ERG: variants seen among roughly 807,000 people sequenced by gnomAD.
ERG encodes the protein transcriptional regulator ERG.
In ERG, 9 loss-of-function variants were observed where a neutral mutation model predicts 55.3. That is an observed-to-expected ratio of 0.16 (90% CI 0.10 to 0.28). The LOEUF (loss-of-function observed/expected upper bound fraction) is 0.28. Ranked by LOEUF, ERG falls within the 10% of genes least tolerant of loss-of-function variation. The pLI, the probability that ERG is intolerant of heterozygous loss-of-function variation, is 1.00. For missense variants in ERG, 434 were observed against 631.6 expected (o/e 0.69, Z 3.35); for synonymous variants, 223 against 237.3 (o/e 0.94, Z 0.55).
chr21:38,497,121 A>G (rs1466708834), intron 1 of ERG, among the ~76,000 whole-genome samples: 2 of 152,240 alleles, frequency 1.3e-5, no homozygotes, highest in African/African-American at 4.8e-5. Context: ...CTTGGTACAC[A>G]GATTTTTAAT....
At chr21:38,543,438 C>T (rs1007066379) in intron 2 of ERG, among the ~76,000 whole-genome samples, 1 of 151,258 alleles carries the variant, frequency 6.6e-6, no homozygotes, top group African/African-American at 2.4e-5. Flanking sequence ...TGTATATACA[C>T]ATATCTTTAT....
intron 2 of ERG, among the ~76,000 whole-genome samples, chr21:38,528,851 G>A (rs1029016226): frequency 6.6e-6 from 1 of 152,042 alleles, no homozygotes; most frequent in African/African-American, 2.4e-5. Flanking sequence ...GCTTCATTGA[G>A]AGAACCACAA....
At chr21:38,424,412 G>A (rs1157752458) in intron 2 of ERG, among the ~76,000 whole-genome samples, 2 of 152,186 alleles carry the variant, frequency 1.3e-5, no homozygotes, top group African/African-American at 2.4e-5. Flanking sequence ...CACAGGCTAG[G>A]ACAGTGCCCA....
At chr21:38,520,274 C>T (rs1210224619) in intron 2 of ERG, among the ~76,000 whole-genome samples, 1 of 152,154 alleles carries the variant, frequency 6.6e-6, no homozygotes, top group Non-Finnish European at 1.5e-5. Flanking sequence ...AGGGGATGGC[C>T]TTCACTGAGA....
intron 1 of ERG, among the ~76,000 whole-genome samples, chr21:38,612,584 A>C (rs1214890675): frequency 6.6e-6 from 1 of 152,116 alleles, no homozygotes; most frequent in East Asian, 1.9e-4. Flanking sequence ...AAGCATTGTA[A>C]GTCTTCATGA....
chr21:38,653,085 C>T (rs1251416733), intron 1 of ERG, among the ~76,000 whole-genome samples: 1 of 152,166 alleles, frequency 6.6e-6, no homozygotes, highest in Non-Finnish European at 1.5e-5. Context: ...GAATGTTCCC[C>T]TCCTTTCTAG....
At position 38,460,790 on chromosome 21, in the gene ERG, G is replaced by A. The variant is rs897868567; in HGVS notation, c.19-15169C>T. Among the ~76,000 whole-genome samples, 6 of 152,194 alleles carry A rather than the reference G, an allele frequency of 3.9e-5. No individual in the cohort carries two copies. The highest frequency in any genetic ancestry group is 1.2e-4 in the African/African-American group (5 of 41,438). ...TGCCCTGAAATCTCTGTTTACCTGTGGACCGGTGATGGGTGTGAGGCTGTA... is the reference window on the plus strand; with the variant it reads ...TGCCCTGAAATCTCTGTTTACCTGTAGACCGGTGATGGGTGTGAGGCTGTA... On this transcript the variant is annotated intron_variant, in intron 1 of 9. Transcript: ENST00000288319. This position sits in a 1 kb window ranked among gnomAD's most constrained non-coding sequence, Gnocchi z 5.0.
the ERG span, chr21:38,367,544 G>A: frequency 2.8e-5 from 13 of 472,360 alleles, no homozygotes; most frequent in Non-Finnish European, 4.5e-5. Context: ...CAGAATAAGT[G>A]ATGCAAAGAG....
chr21:38,425,173 C>G (rs1191263038), intron 2 of ERG, among the ~76,000 whole-genome samples: 9 of 152,108 alleles, frequency 5.9e-5, no homozygotes, highest in East Asian at 3.9e-4. Context: ...CACCTGAGGT[C>G]AGGAGTTCAA....
chr21:38,381,684 G>C lies in ERG; in HGVS notation c.*1719C>G. 1 of 1,063,676 alleles carries C rather than the reference G, an allele frequency of 9.4e-7. No individual in the cohort carries two copies. The highest frequency in any genetic ancestry group is 1.1e-6 in the Non-Finnish European group (1 of 878,284). The allele number at this position is 1,063,676 out of a possible 1,614,324, so 65.9% of individuals were successfully genotyped here. A position where few individuals can be genotyped will look rare whatever the true frequency, so the allele number is the denominator to read the frequency against. On this transcript the variant is annotated 3_prime_UTR_variant, in exon 10 of 10. Transcript: ENST00000288319. ...AACAAATGTATTTTAATCATAGCAGGAATTAAGGGTGATTTGTGACCAGGT... is the reference window on the plus strand; with the variant it reads ...AACAAATGTATTTTAATCATAGCAGCAATTAAGGGTGATTTGTGACCAGGT...
rs1987437629 is a variant in ERG at position 38,381,561 on chromosome 21, C to G, written c.*1842G>C. 1 of 1,063,388 alleles carries G rather than the reference C, an allele frequency of 9.4e-7. No individual in the cohort carries two copies. The highest frequency in any genetic ancestry group is 5.4e-5 in the Admixed American group (1 of 18,676). 65.9% of individuals were successfully genotyped at this position (1,063,388 alleles called of 1,614,324 possible). On this transcript the variant is annotated 3_prime_UTR_variant, in exon 10 of 10. Transcript: ENST00000288319. The stretch of plus-strand genomic sequence containing the variant: ...CCCCGCAGCAAATCTAGACGTTATC[C>G]CTTGTTTCTGTAAAGTGAGAAATTG...
At chr21:38,391,121 CTTAA>C (rs1875963097) in intron 8 of ERG, 79 bp from the exon 9 acceptor site, 5 of 1,225,980 alleles carry the variant, frequency 4.1e-6, no homozygotes, top group South Asian at 1.3e-5. Context: ...TAATGCCTGA[CTTAA>C]TTGTTTTTTC....
At chr21:38,654,992 T>A (rs1431537464) in intron 1 of ERG, among the ~76,000 whole-genome samples, 1 of 152,238 alleles carries the variant, frequency 6.6e-6, no homozygotes, top group Non-Finnish European at 1.5e-5. Flanking sequence ...TTTTACCTCA[T>A]TTCCTAATAA....
At chr21:38,439,537 C>A (rs753091881) in intron 2 of ERG, among the ~76,000 whole-genome samples, 1 of 152,164 alleles carries the variant, frequency 6.6e-6, no homozygotes, top group Non-Finnish European at 1.5e-5. Context: ...CTTTCTGGTG[C>A]GTGAGGCTAG....
At chr21:38,388,770 C>T (rs564736565) in intron 9 of ERG, among the ~76,000 whole-genome samples, 2 of 152,308 alleles carry the variant, frequency 1.3e-5, no homozygotes, top group South Asian at 2.1e-4. Context: ...CCTCCTTCCC[C>T]AGGCCTGTGA....
chr21:38,503,583 C>T (rs1464011841), intron 2 of ERG, among the ~76,000 whole-genome samples: 2 of 152,130 alleles, frequency 1.3e-5, no homozygotes, highest in African/African-American at 4.8e-5. Context: ...ATTCTGCACA[C>T]ATAAAACTTC....
chr21:38,528,624 A>G (rs2059649514), intron 2 of ERG, among the ~76,000 whole-genome samples: 1 of 92,792 alleles, frequency 1.1e-5, no homozygotes, highest in African/African-American at 3.5e-5. Flanking sequence ...ATTTTTTTGT[A>G]TTTTTAGTAG....
intron 2 of ERG, among the ~76,000 whole-genome samples, chr21:38,545,423 T>C (rs1158089389): frequency 6.6e-6 from 1 of 152,142 alleles, no homozygotes; most frequent in African/African-American, 2.4e-5. Context: ...CCAAATTTAA[T>C]CCCTGCATCT....
intron 2 of ERG, among the ~76,000 whole-genome samples, chr21:38,567,431 A>G (rs1018792509): frequency 6.6e-6 from 1 of 152,190 alleles, no homozygotes; most frequent in Admixed American, 6.5e-5. Flanking sequence ...GAAAGTACAA[A>G]AAACGAAAAA....
Sources: allele counts gnomAD v4.1 joint callset (sites outside exome capture counted in the v4.1 genomes callset), GRCh38; gene constraint gnomAD v4.1.1; non-coding constraint Gnocchi (gnomAD v3.1); transcripts MANE v1.5; gene names NCBI Gene and HGNC (gene_info 2026-07-23, HGNC 2026-07-21).